TSHZ2: variants seen among roughly 807,000 people sequenced by gnomAD.
The protein encoded by TSHZ2 is teashirt zinc finger homeobox 2, also known as teashirt homolog 2.
TSHZ2 carries 21 observed loss-of-function variants against 74.4 expected under a neutral mutation model. That is an observed-to-expected ratio of 0.28 (90% CI 0.20 to 0.41). The LOEUF (loss-of-function observed/expected upper bound fraction) is 0.41. Among genes scored for constraint, TSHZ2 ranks in the 10% least tolerant of loss-of-function variants. The pLI is 1.00. For synonymous variants in TSHZ2, 540 were observed against 515.3 expected (o/e 1.05, Z -0.65); for missense variants, 1,244 against 1,293.5 (o/e 0.96, Z 0.59).
At chr20:53,315,189 T>C (rs1422385185) in intron 2 of TSHZ2, among the ~76,000 whole-genome samples, 1 of 152,242 alleles carries the variant, frequency 6.6e-6, no homozygotes, top group Non-Finnish European at 1.5e-5. Flanking sequence ...CATTATACTT[T>C]AGAAGACTAA....
intron 1 of TSHZ2, among the ~76,000 whole-genome samples, chr20:53,041,721 G>A (rs1312450031): frequency 1.3e-5 from 2 of 152,240 alleles, no homozygotes; most frequent in African/African-American, 4.8e-5. Flanking sequence ...CTGGCCAAAA[G>A]TATGCAGCTG....
intron 2 of TSHZ2, among the ~76,000 whole-genome samples, chr20:53,434,419 G>C (rs752096246): frequency 6.6e-6 from 1 of 152,066 alleles, no homozygotes; most frequent in Non-Finnish European, 1.5e-5. Context: ...ATACAATAAG[G>C]GAGACAAGAG....
intron 1 of TSHZ2, among the ~76,000 whole-genome samples, chr20:53,209,626 A>G (rs1989253558): frequency 6.6e-6 from 1 of 152,246 alleles, no homozygotes; most frequent in Non-Finnish European, 1.5e-5. Flanking sequence ...AGTGCTAATC[A>G]GAGAGCCCTC....
chr20:52,981,061 T>C (rs1981548360), intron 1 of TSHZ2, among the ~76,000 whole-genome samples: 1 of 152,198 alleles, frequency 6.6e-6, no homozygotes, highest in South Asian at 2.1e-4. Flanking sequence ...AAGCCATAAA[T>C]GCGTTTTATA....
intron 1 of TSHZ2, among the ~76,000 whole-genome samples, chr20:53,143,626 A>T (rs769702637): frequency 6.6e-6 from 1 of 152,168 alleles, no homozygotes; most frequent in Non-Finnish European, 1.5e-5. Context: ...CGGGAGGAAG[A>T]GCTTGCAGTG....
chr20:53,051,415 A>T (rs1182156806), intron 1 of TSHZ2, among the ~76,000 whole-genome samples: 1 of 151,870 alleles, frequency 6.6e-6, no homozygotes, highest in African/African-American at 2.4e-5. Context: ...AGTGGGTACC[A>T]AATCTAAAGA....
At chr20:53,371,166 C>T (rs1352822306) in intron 2 of TSHZ2, among the ~76,000 whole-genome samples, 7 of 152,124 alleles carry the variant, frequency 4.6e-5, no homozygotes, top group African/African-American at 1.7e-4. Context: ...ACTCCATTTC[C>T]AAATAAGGTC....
chr20:53,142,014 A>G (rs573517079), intron 1 of TSHZ2, among the ~76,000 whole-genome samples: 20 of 152,310 alleles, frequency 1.3e-4, no homozygotes, highest in African/African-American at 4.8e-4. Flanking sequence ...TGGAAGTTTT[A>G]AGACCACACT....
chr20:53,394,859 C>CAAAA (rs1005992034), intron 2 of TSHZ2, among the ~76,000 whole-genome samples: 2 of 44,106 alleles, frequency 4.5e-5, no homozygotes, highest in African/African-American at 7.7e-5. Flanking sequence ...CAGAACTCAC[C>CAAAA]AAAAAAAAAA....
At chr20:53,299,082 G>A (rs1991432603) in intron 2 of TSHZ2, among the ~76,000 whole-genome samples, 1 of 152,160 alleles carries the variant, frequency 6.6e-6, no homozygotes, top group Non-Finnish European at 1.5e-5. Context: ...TAGAGCCTGG[G>A]AATTGTCTTC....
At chr20:53,125,109 C>A (rs968480127) in intron 1 of TSHZ2, among the ~76,000 whole-genome samples, 1 of 152,166 alleles carries the variant, frequency 6.6e-6, no homozygotes, top group African/African-American at 2.4e-5. Flanking sequence ...ATTTTGTCAT[C>A]TCGAAAATGA....
intron 1 of TSHZ2, among the ~76,000 whole-genome samples, chr20:53,000,186 G>T (rs575210047): frequency 1.3e-5 from 2 of 152,308 alleles, no homozygotes; most frequent in African/African-American, 4.8e-5. Context: ...ACCTGTTTTT[G>T]TATGACCTAT....
intron 1 of TSHZ2, among the ~76,000 whole-genome samples, chr20:53,247,995 T>TTTCA (rs1410628329): frequency 6.6e-6 from 1 of 152,214 alleles, no homozygotes; most frequent in Non-Finnish European, 1.5e-5. Context: ...TTTTGCACAA[T>TTTCA]TTCATTTAAA....
chr20:53,435,607 A>G (rs997082536), intron 2 of TSHZ2, among the ~76,000 whole-genome samples: 6 of 152,138 alleles, frequency 3.9e-5, no homozygotes, highest in Admixed American at 6.5e-5. Flanking sequence ...TCTGCCTCCC[A>G]GGTTCAAGCA....
rs918910462 is a variant in TSHZ2 at position 53,288,791 on chromosome 20, A to G, written c.*8+32220A>G. Among the ~76,000 whole-genome samples the G allele has an allele frequency of 2.0e-5, 3 of 152,172 alleles. No homozygotes were observed. The East Asian group carries it at 5.8e-4, about 29-fold the overall frequency. Reference sequence around the variant, plus strand: ...GAGCAATAGAGAGGAAGGCTATTTTATTTATTCATGTTTTAATATTTTATT... The same window carrying G: ...GAGCAATAGAGAGGAAGGCTATTTTGTTTATTCATGTTTTAATATTTTATT... On this transcript the variant is annotated intron_variant, in intron 2 of 2. Coordinates refer to ENST00000371497, the MANE Select transcript of TSHZ2 (RefSeq NM_173485.6).
chr20:53,062,731 G>A (rs1214131842), intron 1 of TSHZ2, among the ~76,000 whole-genome samples: 1 of 152,166 alleles, frequency 6.6e-6, no homozygotes, highest in Non-Finnish European at 1.5e-5. Context: ...CCTATCATTT[G>A]TGTGTTCAGT....
intron 1 of TSHZ2, among the ~76,000 whole-genome samples, chr20:53,226,809 G>C (rs1480635708): frequency 6.6e-6 from 1 of 152,134 alleles, no homozygotes; most frequent in Non-Finnish European, 1.5e-5. Flanking sequence ...CATCCAGTTG[G>C]AGACAAAAAT....
At chr20:53,191,089 A>C (rs1988726473) in intron 1 of TSHZ2, among the ~76,000 whole-genome samples, 1 of 152,130 alleles carries the variant, frequency 6.6e-6, no homozygotes, top group South Asian at 2.1e-4. Flanking sequence ...TGTATATCTC[A>C]TAGCTTCTTG....
At chr20:53,438,206 T>G (rs182737919) in intron 2 of TSHZ2, among the ~76,000 whole-genome samples, 326 of 148,726 alleles carry the variant, frequency 2.2e-3, no homozygotes, top group African/African-American at 7.4e-3. Context: ...GCTTCCAGGG[T>G]TCAAGCAATT....
Sources: allele counts gnomAD v4.1 joint callset (sites outside exome capture counted in the v4.1 genomes callset), GRCh38; gene constraint gnomAD v4.1.1; transcripts MANE v1.5; gene names NCBI Gene and HGNC (gene_info 2026-07-23, HGNC 2026-07-21).